The following LSM12 variants were observed in gnomAD, a reference collection of about 807,000 sequenced individuals.
LSM12 encodes protein LSM12.
For missense variants in LSM12, 108 were observed against 238.9 expected (o/e 0.45, Z 3.61); for synonymous variants, 74 against 87.3 (o/e 0.85, Z 0.85).
At chr17:44,062,080 G>A (rs1389377640) in intron 2 of LSM12, among the ~76,000 whole-genome samples, 1 of 152,078 alleles carries the variant, frequency 6.6e-6, no homozygotes, top group Non-Finnish European at 1.5e-5. Context: ...AAGTTAGCCG[G>A]GCGTGGTGTC....
At chr17:44,061,105 G>A (rs541554193) in intron 2 of LSM12, among the ~76,000 whole-genome samples, 1 of 152,136 alleles carries the variant, frequency 6.6e-6, no homozygotes, top group East Asian at 1.9e-4. Context: ...ATCACCTGAG[G>A]TCGGGAGTTC....
intron 2 of LSM12, among the ~76,000 whole-genome samples, chr17:44,060,098 G>A (rs1318784872): frequency 6.6e-6 from 1 of 152,184 alleles, no homozygotes; most frequent in African/African-American, 2.4e-5. Flanking sequence ...CCGGGAGGTG[G>A]AGCTTGCAGT....
At chr17:44,060,656 G>A (rs1056489345) in intron 2 of LSM12, among the ~76,000 whole-genome samples, 2 of 152,160 alleles carry the variant, frequency 1.3e-5, no homozygotes, top group African/African-American at 2.4e-5. Context: ...AAAGATTTCT[G>A]GTGTTCCCCA....
chr17:44,057,437 C>T (rs113062723), intron 2 of LSM12, among the ~76,000 whole-genome samples: 10 of 150,296 alleles, frequency 6.7e-5, no homozygotes, highest in South Asian at 2.1e-4. Context: ...CGTGAGCCAC[C>T]GTGCCTGGGT....
chr17:44,062,971 G>A (rs28688609), intron 2 of LSM12, among the ~76,000 whole-genome samples: 4,523 of 152,130 alleles, frequency 0.03, 226 homozygotes, highest in African/African-American at 0.1. Context: ...TCCAGAGGCT[G>A]AGGCACGAGA....
At chr17:44,058,166 G>A (rs963342528) in intron 2 of LSM12, among the ~76,000 whole-genome samples, 3 of 151,842 alleles carry the variant, frequency 2.0e-5, no homozygotes, top group African/African-American at 7.3e-5. Flanking sequence ...GAACCCAGGA[G>A]GCGGAGCTTG....
At chr17:44,057,147 C>T (rs868236217) in intron 2 of LSM12, among the ~76,000 whole-genome samples, 1 of 147,718 alleles carries the variant, frequency 6.8e-6, no homozygotes, top group African/African-American at 2.5e-5. Context: ...CAGAGTAAGA[C>T]TTTTTTTTTC....
chr17:44,064,684 G>A (rs1187478976), intron 1 of LSM12, among the ~76,000 whole-genome samples: 1 of 147,202 alleles, frequency 6.8e-6, no homozygotes, highest in Admixed American at 6.8e-5. Context: ...AGTGAGCCGA[G>A]ATGGTGCCAC....
intron 3 of LSM12, among the ~76,000 whole-genome samples, chr17:44,038,569 C>G (rs1037430031): frequency 6.6e-6 from 1 of 152,066 alleles, no homozygotes; most frequent in South Asian, 2.1e-4. Context: ...GCAGGAGAAT[C>G]GCTTGAACCT....
chr17:44,038,853 T>C (rs1458276573), intron 3 of LSM12, among the ~76,000 whole-genome samples: 1 of 152,144 alleles, frequency 6.6e-6, no homozygotes, highest in Non-Finnish European at 1.5e-5. Flanking sequence ...TTCCTTCACA[T>C]ACCTGTAAAT....
chr17:44,049,190 A>AC (rs1321330971), intron 2 of LSM12, among the ~76,000 whole-genome samples: 10 of 151,918 alleles, frequency 6.6e-5, no homozygotes, highest in African/African-American at 1.7e-4. Context: ...CTGTCTTTAA[A>AC]AAACAACAAC....
chr17:44,059,930 C>A (rs566575387), intron 2 of LSM12, among the ~76,000 whole-genome samples: 17 of 152,074 alleles, frequency 1.1e-4, no homozygotes, highest in African/African-American at 3.9e-4. Flanking sequence ...TTTGGGAGGC[C>A]GAGGCGGGCG....
chr17:44,044,733 AAGG>A (rs1195557375), intron 2 of LSM12, among the ~76,000 whole-genome samples: 7 of 152,292 alleles, frequency 4.6e-5, no homozygotes, highest in Middle Eastern at 6.8e-3. Context: ...GGGTGGGGAG[AAGG>A]AGATTACCTT....
At chr17:44,059,195 T>C (rs887220814) in intron 2 of LSM12, among the ~76,000 whole-genome samples, 4 of 151,758 alleles carry the variant, frequency 2.6e-5, no homozygotes, top group East Asian at 1.9e-4. Context: ...CACACACACA[T>C]ACACACACAC....
intron 2 of LSM12, among the ~76,000 whole-genome samples, chr17:44,041,439 A>G (rs1409329047): frequency 6.6e-6 from 1 of 152,120 alleles, no homozygotes; most frequent in Admixed American, 6.6e-5. Flanking sequence ...ACACCTTCAC[A>G]GACCACAATC....
chr17:44,067,581 ACAGT>A (rs2049894841), upstream of LSM12: 1 of 152,198 alleles, frequency 6.6e-6, no homozygotes, highest in Admixed American at 6.5e-5. Context: ...ACTAGCAAAA[ACAGT>A]CTGCCTATTT....
intron 2 of LSM12, among the ~76,000 whole-genome samples, chr17:44,058,022 G>C (rs1324159283): frequency 6.6e-6 from 1 of 151,816 alleles, no homozygotes; most frequent in African/African-American, 2.4e-5. Flanking sequence ...GGATCATGAG[G>C]TCAGGAGATT....
chr17:44,060,853 C>T (rs1157293909), intron 2 of LSM12, among the ~76,000 whole-genome samples: 5 of 152,210 alleles, frequency 3.3e-5, no homozygotes, highest in African/African-American at 4.8e-5. Context: ...CCCATCCACA[C>T]TACCCCACCC....
intron 2 of LSM12, among the ~76,000 whole-genome samples, chr17:44,050,280 T>C (rs1433352556): frequency 6.6e-6 from 1 of 151,116 alleles, no homozygotes; most frequent in Non-Finnish European, 1.5e-5. Context: ...TTTGTATTTT[T>C]TTTTTTTTTA....
Sources: allele counts gnomAD v4.1 joint callset (sites outside exome capture counted in the v4.1 genomes callset), GRCh38; gene constraint gnomAD v4.1.1; transcripts MANE v1.5; gene names NCBI Gene and HGNC (gene_info 2026-07-23, HGNC 2026-07-21).